The following TSNARE1 variants were observed in gnomAD, a reference collection of about 807,000 sequenced individuals.
The protein encoded by TSNARE1 is t-SNARE domain containing 1.
Under a neutral mutation model 62.0 loss-of-function variants are expected in TSNARE1, and 49 were observed. That is an observed-to-expected ratio of 0.79 (90% CI 0.63 to 1.00). The LOEUF is 1.00. Ranked by LOEUF, TSNARE1 falls within the 50% of genes least tolerant of loss-of-function variation. The pLI is 0.00. For missense variants in TSNARE1, 755 were observed against 700.1 expected (o/e 1.08, Z -0.88); for synonymous variants, 328 against 294.4 (o/e 1.11, Z -1.17).
rs1563755274 is a variant in TSNARE1, at chr8:142,222,504, C to CACT, written c.*11+6968_*11+6969insAGT. ...CTCACTCACTCATCCACTCACTCATCCACTCACTCACTCACTCATCCACTC... is the reference window on the plus strand; with the variant it reads ...CTCACTCACTCATCCACTCACTCATCACTCACTCACTCACTCACTCATCCACTC... On this transcript the variant is annotated intron_variant, in intron 13 of 13. Coordinates refer to ENST00000524325, the MANE Select transcript of TSNARE1 (RefSeq NM_145003.5). Among the ~76,000 whole-genome samples, 6 of 34,850 alleles carry CACT rather than the reference C, an allele frequency of 1.7e-4. 1 individual carries two copies. The highest frequency in any genetic ancestry group is 2.6e-4 in the Non-Finnish European group (5 of 19,302). The allele number at this position is 34,850 out of a possible 152,430, so 22.9% of individuals were successfully genotyped here. A position where few individuals can be genotyped will look rare whatever the true frequency, so the allele number is the denominator to read the frequency against.
chr8:142,278,244 T>C, intron 11 of TSNARE1: 1 of 985,370 alleles, frequency 1.0e-6, no homozygotes, highest in Non-Finnish European at 1.2e-6. Context: ...TCCCAACCAG[T>C]CCGGCCCACT....
Position 142,275,769 on chromosome 8 carries a change from C to A in TSNARE1, c.1364-906G>T, listed in dbSNP as rs114668902. The stretch of plus-strand genomic sequence containing the variant: ...CTGCAGTGCCTACCAGGGCACAGAC[C>A]TGAGCTGACTTGAGCCTCAGGGGTC... On this transcript the variant is annotated intron_variant, in intron 11 of 13. Coordinates refer to ENST00000524325, the MANE Select transcript of TSNARE1 (RefSeq NM_145003.5). The A allele has an allele frequency of 1.5e-3, 1,472 of 985,410 alleles. 14 individuals are homozygous for A. The African/African-American group carries it at 0.024, about 16-fold the overall frequency. The allele number at this position is 985,410 out of a possible 1,614,324, so 61.0% of individuals were successfully genotyped here.
intron 1 of TSNARE1, among the ~76,000 whole-genome samples, chr8:142,378,025 C>T (rs933562356): frequency 6.6e-6 from 1 of 152,216 alleles, no homozygotes; most frequent in Non-Finnish European, 1.5e-5. Flanking sequence ...GTGAACTATG[C>T]GGTCCTTTCT....
chr8:142,223,531 T>C lies in TSNARE1; in HGVS notation c.*11+5942A>G, dbSNP rs866416515. Among the ~76,000 whole-genome samples the C allele has an allele frequency of 8.4e-5, 10 of 118,714 alleles. 1 individual carries two copies. Among genetic ancestry groups the C allele is most frequent in the African/African-American group, 3.4e-4 (10 of 29,222 alleles). The allele number at this position is 118,714 out of a possible 152,430, so 77.9% of individuals were successfully genotyped here. A position where few individuals can be genotyped will look rare whatever the true frequency, so the allele number is the denominator to read the frequency against. On this transcript the variant is annotated intron_variant, in intron 13 of 13. Transcript: ENST00000524325. ...ATTTATCCACTCACTCACTCACTCA[T>C]TCACTCATTCACTCACTCATTCACT...
At chr8:142,316,812 ACT>A (rs1335831866) in intron 7 of TSNARE1, among the ~76,000 whole-genome samples, 1 of 151,582 alleles carries the variant, frequency 6.6e-6, no homozygotes, top group Non-Finnish European at 1.5e-5. Flanking sequence ...GGCCTGCCTA[ACT>A]CTCCGCTCCT....
intron 12 of TSNARE1, chr8:142,270,494 A>G: frequency 2.2e-6 from 2 of 898,630 alleles, no homozygotes; most frequent in Non-Finnish European, 1.3e-6. Context: ...ATATATATAT[A>G]TATATATATT....
chr8:142,403,359 C>G (rs895417618), upstream of TSNARE1: 1 of 151,876 alleles, frequency 6.6e-6, no homozygotes, highest in African/African-American at 2.4e-5. Context: ...AGTCGGCTGT[C>G]CTCACTTGCC....
At chr8:142,359,089 C>T (rs2130839414) in intron 1 of TSNARE1, among the ~76,000 whole-genome samples, 1 of 152,242 alleles carries the variant, frequency 6.6e-6, no homozygotes, top group Admixed American at 6.5e-5. Context: ...TGTGCCTTCA[C>T]CCAGGCTGTT....
chr8:142,292,143 C>G (rs886180782), intron 10 of TSNARE1, among the ~76,000 whole-genome samples: 1 of 152,096 alleles, frequency 6.6e-6, no homozygotes, highest in African/African-American at 2.4e-5. Context: ...AGCCGAGATC[C>G]CAGCCTACAT....
chr8:142,277,902 C>T (rs1181159413), intron 11 of TSNARE1: 3 of 985,410 alleles, frequency 3.0e-6, no homozygotes, highest in Non-Finnish European at 3.6e-6. Flanking sequence ...CCCTGCCAGG[C>T]CCCTCCTTCT....
At chr8:142,217,323 G>GAAAT (rs753340270) in intron 13 of TSNARE1, among the ~76,000 whole-genome samples, 1 of 39,416 alleles carries the variant, frequency 2.5e-5, no homozygotes, top group Non-Finnish European at 6.5e-5. Context: ...AAGAAAGAAA[G>GAAAT]AAAGAAAGAA....
intron 11 of TSNARE1, chr8:142,279,928 C>T (rs1475884499): frequency 6.7e-6 from 7 of 1,051,792 alleles, no homozygotes; most frequent in East Asian, 1.1e-4. Flanking sequence ...TGCCACCATG[C>T]GCTCCACAGG....
chr8:142,257,183 G>T (rs942521922), intron 12 of TSNARE1, among the ~76,000 whole-genome samples: 3 of 152,184 alleles, frequency 2.0e-5, no homozygotes, highest in Non-Finnish European at 2.9e-5. Flanking sequence ...GCCCACTTCG[G>T]GGGTGACCTT....
At chr8:142,340,994 G>C (rs1203792267) in intron 4 of TSNARE1, among the ~76,000 whole-genome samples, 3 of 152,248 alleles carry the variant, frequency 2.0e-5, no homozygotes, top group African/African-American at 7.2e-5. Context: ...CTGTTTCAAA[G>C]TCAAAGACGA....
chr8:142,360,512 G>C (rs1835076264), intron 1 of TSNARE1, among the ~76,000 whole-genome samples: 1 of 152,168 alleles, frequency 6.6e-6, no homozygotes, highest in Non-Finnish European at 1.5e-5. Flanking sequence ...GCCGGACGGA[G>C]GCCAGGGACA....
chr8:142,313,750 T>C (rs1030815647), intron 9 of TSNARE1, among the ~76,000 whole-genome samples: 2 of 152,224 alleles, frequency 1.3e-5, no homozygotes, highest in Non-Finnish European at 2.9e-5. Flanking sequence ...TGCATTTTTC[T>C]GTATGCATGT....
intron 13 of TSNARE1, among the ~76,000 whole-genome samples, chr8:142,213,739 G>A (rs1815688907): frequency 6.6e-6 from 1 of 152,202 alleles, no homozygotes; most frequent in South Asian, 2.1e-4. Context: ...AGGGGAGGGT[G>A]AGGCTGTGGG....
At chr8:142,242,204 T>G (rs796696030) in intron 12 of TSNARE1, among the ~76,000 whole-genome samples, 63 of 108,872 alleles carry the variant, frequency 5.8e-4, no homozygotes, top group South Asian at 1.1e-3. Context: ...AAGACCGACA[T>G]GTGAGACCTA....
intron 12 of TSNARE1, among the ~76,000 whole-genome samples, chr8:142,230,454 T>C (rs1817048526): frequency 1.3e-5 from 2 of 151,984 alleles, no homozygotes; most frequent in African/African-American, 4.8e-5. Flanking sequence ...GAGAGTGACA[T>C]GTTTAGCAGT....
Sources: gnomAD v4.1 joint callset for allele counts (sites outside exome capture counted in the v4.1 genomes callset) on GRCh38, gnomAD v4.1.1 for gene constraint, MANE v1.5 for transcripts, NCBI Gene and HGNC (gene_info 2026-07-23, HGNC 2026-07-21) for gene names.